Variants in LAMA2 observed in about 807,000 individuals in gnomAD.
The protein encoded by LAMA2 is laminin subunit alpha 2.
A neutral mutation model predicts 364.8 loss-of-function variants in LAMA2; 269 were observed. The ratio of observed to expected loss-of-function variants is 0.74; its 90% CI spans 0.67 to 0.82. The LOEUF (loss-of-function observed/expected upper bound fraction) is 0.82. Ranked by LOEUF, LAMA2 falls within the 40% of genes least tolerant of loss-of-function variation. LAMA2 has a pLI of 0.00. For synonymous variants in LAMA2, 1,379 were observed against 1,370.6 expected (o/e 1.01, Z -0.14); for missense variants, 3,807 against 3,873.2 (o/e 0.98, Z 0.45).
At chr6:129,106,781 TAATAA>T (rs1775847642) in intron 4 of LAMA2, among the ~76,000 whole-genome samples, 2 of 150,774 alleles carry the variant, frequency 1.3e-5, no homozygotes, top group Admixed American at 6.6e-5. Context: ...TACATCTTTT[TAATAA>T]AATAAAGATA....
At chr6:129,095,701 A>G (rs1583033031) in intron 3 of LAMA2, among the ~76,000 whole-genome samples, 1 of 150,390 alleles carries the variant, frequency 6.6e-6, no homozygotes, top group African/African-American at 2.4e-5. Flanking sequence ...ACCTGAGGTT[A>G]GGAGTTTGAG....
At chr6:129,050,233 C>T (rs1046763920) in intron 2 of LAMA2, 145 bp downstream of exon 2, 23 of 785,184 alleles carry the variant, frequency 2.9e-5, no homozygotes, top group African/African-American at 6.9e-5. Context: ...TTCCTGGCCC[C>T]TCTCTGTCAT....
chr6:129,473,129 C>G, intron 51 of LAMA2, 85 bp from the exon 52 acceptor site: 2 of 1,091,206 alleles, frequency 1.8e-6, no homozygotes, highest in South Asian at 2.7e-5. Context: ...CGAATTAAAC[C>G]AAATTTGTCT....
At chr6:129,280,350 T>C (rs568796495) in intron 18 of LAMA2, among the ~76,000 whole-genome samples, 1 of 152,350 alleles carries the variant, frequency 6.6e-6, no homozygotes, top group South Asian at 2.1e-4. Flanking sequence ...TCATAAATCT[T>C]CATTCACTCA....
rs189005640 is a variant in LAMA2 at position 128,944,118 on chromosome 6, G to A, written c.112+60761G>A. Among the ~76,000 whole-genome samples the A allele has an allele frequency of 3.3e-3, 498 of 152,198 alleles. 1 individual carries two copies. Among genetic ancestry groups the A allele is most frequent in the Middle Eastern group, 0.01 (3 of 294 alleles). ...CATTAGCCGTTGGTACTGTGATAGG[G>A]GAAAAAGCAAATGGGACCTTAAACA... On this transcript the variant is annotated intron_variant, in intron 1 of 64. Coordinates refer to ENST00000421865, the MANE Select transcript of LAMA2 (RefSeq NM_000426.4).
intron 21 of LAMA2, among the ~76,000 whole-genome samples, chr6:129,300,447 T>G (rs1773480688): frequency 6.6e-6 from 1 of 152,164 alleles, no homozygotes; most frequent in South Asian, 2.1e-4. Flanking sequence ...TAACATGGAA[T>G]CTGATAACAC....
chr6:129,447,183 A>G lies in LAMA2; in HGVS notation c.6429+1362A>G, dbSNP rs567767851. On this transcript the variant is annotated intron_variant, in intron 45 of 64. Transcript: ENST00000421865. ...AGGAGTTCTTTCACTCACAAAGTTT[A>G]TAAAATAGTAGGGAAAATAAAATAT... Among the ~76,000 whole-genome samples, 116 of 152,236 alleles carry G rather than the reference A, an allele frequency of 7.6e-4. 1 individual carries two copies. The highest frequency in any genetic ancestry group is 1.6e-3 in the Non-Finnish European group (109 of 68,038).
At chr6:129,490,720 C>G (rs1366332289) in intron 56 of LAMA2, 1 of 152,200 alleles carries the variant, frequency 6.6e-6, no homozygotes, top group Admixed American at 6.5e-5. Context: ...CACCGACACT[C>G]TTAGCAAGGA....
At chr6:129,461,818 TTC>T (rs68128275) in intron 49 of LAMA2, among the ~76,000 whole-genome samples, 90,546 of 151,588 alleles carry the variant, frequency 0.6, 27,263 homozygotes, top group African/African-American at 0.63. Context: ...CGTTTACAAC[TTC>T]TCCTGATGCT....
At chr6:129,275,036 CT>C (rs1788207341) in intron 17 of LAMA2, among the ~76,000 whole-genome samples, 1 of 151,870 alleles carries the variant, frequency 6.6e-6, no homozygotes, top group Non-Finnish European at 1.5e-5. Context: ...GTAAATACTA[CT>C]GGTTTGTGTG....
intron 1 of LAMA2, among the ~76,000 whole-genome samples, chr6:128,968,569 G>A (rs1210202836): frequency 6.6e-6 from 1 of 152,206 alleles, no homozygotes; most frequent in Non-Finnish European, 1.5e-5. Flanking sequence ...CCCTGCTAAA[G>A]AAGTGTTGGG....
At chr6:128,933,781 C>A (rs1368855117) in intron 1 of LAMA2, among the ~76,000 whole-genome samples, 1 of 152,022 alleles carries the variant, frequency 6.6e-6, no homozygotes, top group Non-Finnish European at 1.5e-5. Flanking sequence ...TTGAAATTGG[C>A]TTATTTTGTG....
At chr6:129,406,931 G>A (rs1780276646) in intron 40 of LAMA2, among the ~76,000 whole-genome samples, 1 of 152,134 alleles carries the variant, frequency 6.6e-6, no homozygotes, top group Non-Finnish European at 1.5e-5. Flanking sequence ...GTGGTTAAAG[G>A]CCTGACAGCC....
rs1314086823 is a variant in LAMA2, at chr6:129,252,298, A to G, written c.2096+3A>G. ...TTTGGGATGGATGCCATCTTCAGGT[A>G]AAATCAAGAACTGCAGCTCCAACGT... On this transcript the variant is annotated splice_donor_region_variant and intron_variant, in intron 14 of 64. Coordinates refer to ENST00000421865, the MANE Select transcript of LAMA2 (RefSeq NM_000426.4). 6.2e-7 allele frequency: 1 copy of G among 1,608,708 alleles called. No individual in the cohort carries two copies. Among genetic ancestry groups the G allele is most frequent in the East Asian group, 2.2e-5 (1 of 44,796 alleles).
Position 129,059,818 on chromosome 6 carries a change from G to A in LAMA2, c.318G>A (p.Lys106=). Residue 106 remains lysine (K), a synonymous_variant, in exon 3 of 65, where the codon AAG becomes AAA. Coordinates refer to ENST00000421865, the MANE Select transcript of LAMA2 (RefSeq NM_000426.4). ...CGATTACAAATGCTATTGATGGAAAGAACACTTGGTGGCAGAGTCCCAGTA... is the reference window on the plus strand; with the variant it reads ...CGATTACAAATGCTATTGATGGAAAAAACACTTGGTGGCAGAGTCCCAGTA... ...RHPITNAIDG[K]NTWWQSPSIK... 6.2e-7 allele frequency: 1 copy of A among 1,610,388 alleles called. No individual in the cohort carries two copies. The highest frequency in any genetic ancestry group is 8.5e-7 in the Non-Finnish European group (1 of 1,176,704).
At position 128,883,258 on chromosome 6, in the gene LAMA2, G is replaced by T. The variant is rs367622987; in HGVS notation, c.13G>T (p.Ala5Ser). The T allele has an allele frequency of 1.6e-5, 25 of 1,555,744 alleles. No individual in the cohort carries two copies. The Middle Eastern group carries it at 1.0e-3, about 62-fold the overall frequency. Residue 5 changes from alanine (A) to serine (S), a missense_variant, in exon 1 of 65, where the codon GCC (alanine) becomes TCC (serine). Coordinates refer to ENST00000421865, the MANE Select transcript of LAMA2 (RefSeq NM_000426.4). MPGAAGVLLLLLLSG... is the reference protein window; with the variant it reads MPGASGVLLLLLLSG... ...CGCGGCCACTACGATGCCGGGAGCC[G>T]CCGGGGTCCTCCTCCTTCTGCTGCT...
At chr6:129,179,730 A>T (rs1780818699) in intron 10 of LAMA2, among the ~76,000 whole-genome samples, 1 of 152,232 alleles carries the variant, frequency 6.6e-6, no homozygotes, top group Non-Finnish European at 1.5e-5. Flanking sequence ...CCTTTCTACC[A>T]TGTGATATCT....
intron 2 of LAMA2, among the ~76,000 whole-genome samples, chr6:129,054,744 GTATA>G (rs1444072616): frequency 6.7e-6 from 1 of 148,356 alleles, no homozygotes; most frequent in Non-Finnish European, 1.5e-5. Context: ...TAAATATTAT[GTATA>G]TATAATAATA....
chr6:129,367,330 CTT>C (rs1193741432), intron 33 of LAMA2, among the ~76,000 whole-genome samples: 4 of 152,176 alleles, frequency 2.6e-5, no homozygotes, highest in African/African-American at 9.7e-5. Context: ...TTTCATGACT[CTT>C]TTAATATCTT....
Sources: allele counts gnomAD v4.1 joint callset (sites outside exome capture counted in the v4.1 genomes callset), GRCh38; gene constraint gnomAD v4.1.1; transcripts MANE v1.5; gene names NCBI Gene and HGNC (gene_info 2026-07-23, HGNC 2026-07-21).